Variants in ST6GALNAC3 observed in about 807,000 individuals in gnomAD.
ST6GALNAC3 encodes the protein ST6 N-acetylgalactosaminide alpha-2,6-sialyltransferase 3.
Under a neutral mutation model 32.7 loss-of-function variants are expected in ST6GALNAC3, and 25 were observed. The observed-to-expected ratio is 0.76, with a 90% CI of 0.56 to 1.07. ST6GALNAC3 has a LOEUF of 1.07. ST6GALNAC3 is among the 50% of genes least tolerant of loss of function. The probability of loss-of-function intolerance (pLI) is 0.00; values close to 1 mark genes in which losing one functional copy is unlikely to be tolerated. For synonymous variants in ST6GALNAC3, 129 were observed against 133.1 expected (o/e 0.97, Z 0.21); for missense variants, 355 against 382.4 (o/e 0.93, Z 0.60).
At chr1:76,220,417 T>A (rs913516574) in intron 1 of ST6GALNAC3, among the ~76,000 whole-genome samples, 1 of 152,230 alleles carries the variant, frequency 6.6e-6, no homozygotes, top group African/African-American at 2.4e-5. Flanking sequence ...GGTTCATTTT[T>A]AAAATATTTC....
intron 1 of ST6GALNAC3, among the ~76,000 whole-genome samples, chr1:76,163,974 C>T (rs1315839023): frequency 6.6e-6 from 1 of 152,140 alleles, no homozygotes. Context: ...TACTTTTACA[C>T]ATTGTTAAGT....
At position 76,268,017 on chromosome 1, in the gene ST6GALNAC3, G is replaced by A. The variant is rs181967181; in HGVS notation, c.19-45788G>A. ...TAATTGATTTGTCTGGAAAGAGTCCGTTCCCTATAGGACTCACAGATCTCC... is the reference window on the plus strand; with the variant it reads ...TAATTGATTTGTCTGGAAAGAGTCCATTCCCTATAGGACTCACAGATCTCC... On this transcript the variant is annotated intron_variant, in intron 1 of 4. Coordinates refer to ENST00000328299, the MANE Select transcript of ST6GALNAC3 (RefSeq NM_152996.4). Among the ~76,000 whole-genome samples, 120 of 152,290 alleles carry A rather than the reference G, an allele frequency of 7.9e-4. 1 individual carries two copies. Among genetic ancestry groups the A allele is most frequent in the African/African-American group, 2.7e-3 (111 of 41,576 alleles).
intron 3 of ST6GALNAC3, among the ~76,000 whole-genome samples, chr1:76,417,694 A>T (rs1039620586): frequency 6.6e-6 from 1 of 152,278 alleles, no homozygotes; most frequent in East Asian, 1.9e-4. Context: ...AAATATAGGC[A>T]CATTATTTAA....
chr1:76,388,243 T>C (rs1383872894), intron 2 of ST6GALNAC3, among the ~76,000 whole-genome samples: 1 of 152,200 alleles, frequency 6.6e-6, no homozygotes, highest in Non-Finnish European at 1.5e-5. Flanking sequence ...CAGCTATCCA[T>C]GTACAGTAGT....
chr1:76,089,682 G>A (rs1283482127), intron 1 of ST6GALNAC3, among the ~76,000 whole-genome samples: 4 of 152,196 alleles, frequency 2.6e-5, no homozygotes, highest in Non-Finnish European at 4.4e-5. Flanking sequence ...ACGATACATT[G>A]TGGATTTATG....
intron 2 of ST6GALNAC3, among the ~76,000 whole-genome samples, chr1:76,321,489 C>A (rs1646965728): frequency 6.6e-6 from 1 of 152,130 alleles, no homozygotes; most frequent in Non-Finnish European, 1.5e-5. Flanking sequence ...TTGTCCCTTG[C>A]AACCAAAAAA....
chr1:76,559,047 A>C (rs193289084), intron 3 of ST6GALNAC3, among the ~76,000 whole-genome samples: 2 of 152,282 alleles, frequency 1.3e-5, no homozygotes, highest in East Asian at 3.9e-4. Context: ...ATATATGAAA[A>C]ATATCTTATT....
At chr1:76,606,119 GA>G (rs1278087380) in intron 3 of ST6GALNAC3, among the ~76,000 whole-genome samples, 1 of 152,086 alleles carries the variant, frequency 6.6e-6, no homozygotes, top group Non-Finnish European at 1.5e-5. Flanking sequence ...CTCTTGTTGG[GA>G]ATGTAACTTA....
At chr1:76,503,008 A>T (rs750760025) in intron 3 of ST6GALNAC3, among the ~76,000 whole-genome samples, 151 of 152,344 alleles carry the variant, frequency 9.9e-4, no homozygotes, top group Non-Finnish European at 7.6e-4. Context: ...TTTAATTCGT[A>T]TCTCAGTGTA....
chr1:76,112,071 A>AC (rs538408473), intron 1 of ST6GALNAC3, among the ~76,000 whole-genome samples: 11,678 of 121,322 alleles, frequency 0.096, 829 homozygotes, highest in Non-Finnish European at 0.13. Context: ...CTGGGGGCTG[A>AC]CCCCCCCACC....
chr1:76,554,301 T>C (rs17099155), intron 3 of ST6GALNAC3, among the ~76,000 whole-genome samples: 2 of 152,046 alleles, frequency 1.3e-5, no homozygotes, highest in Admixed American at 1.3e-4. Flanking sequence ...GAATTTTAAG[T>C]CTCTCGGGTT....
chr1:76,279,208 A>C (rs1380387717), intron 1 of ST6GALNAC3, among the ~76,000 whole-genome samples: 4 of 152,188 alleles, frequency 2.6e-5, no homozygotes, highest in South Asian at 4.1e-4. Context: ...GTAGAGCAGC[A>C]GTCTGTGTGG....
At position 76,087,687 on chromosome 1, in the gene ST6GALNAC3, C is replaced by T. The variant is rs142800563; in HGVS notation, c.18+12803C>T. Among the ~76,000 whole-genome samples, 963 of 152,288 alleles carry T rather than the reference C, an allele frequency of 6.3e-3. 10 individuals are homozygous for T. Among genetic ancestry groups the T allele is most frequent in the Middle Eastern group, 0.027 (8 of 294 alleles). ...GGCTTGGAGAGGCTAAGTCACCTCT[C>T]AAAGGTCATACTACTAGTAGAAGAG... On this transcript the variant is annotated intron_variant, in intron 1 of 4. Transcript: ENST00000328299.
intron 1 of ST6GALNAC3, among the ~76,000 whole-genome samples, chr1:76,311,212 G>T (rs999337598): frequency 2.0e-5 from 3 of 151,904 alleles, no homozygotes; most frequent in African/African-American, 7.3e-5. Flanking sequence ...CTCTCTCCCT[G>T]CTCCAAAGCA....
chr1:76,532,141 T>A (rs1234928971), intron 3 of ST6GALNAC3, among the ~76,000 whole-genome samples: 1 of 152,190 alleles, frequency 6.6e-6, no homozygotes, highest in Non-Finnish European at 1.5e-5. Context: ...TTCTTGATTG[T>A]TGGTGCTCTG....
intron 1 of ST6GALNAC3, among the ~76,000 whole-genome samples, chr1:76,303,563 T>C (rs970957695): frequency 2.6e-5 from 4 of 152,056 alleles, no homozygotes; most frequent in Non-Finnish European, 4.4e-5. Flanking sequence ...GCCTGATACT[T>C]GCTGAGTACA....
At chr1:76,517,770 A>G (rs545953630) in intron 3 of ST6GALNAC3, among the ~76,000 whole-genome samples, 340 of 137,454 alleles carry the variant, frequency 2.5e-3, no homozygotes, top group Non-Finnish European at 4.7e-3. Context: ...CAGTGATTTT[A>G]ATTTTGAATT....
At chr1:76,560,391 C>T (rs183182000) in intron 3 of ST6GALNAC3, among the ~76,000 whole-genome samples, 5 of 152,022 alleles carry the variant, frequency 3.3e-5, no homozygotes, top group African/African-American at 7.2e-5. Flanking sequence ...TGAAGTGAAG[C>T]GACAACCCAC....
At chr1:76,351,337 A>G (rs1338907475) in intron 2 of ST6GALNAC3, among the ~76,000 whole-genome samples, 1 of 152,108 alleles carries the variant, frequency 6.6e-6, no homozygotes, top group Non-Finnish European at 1.5e-5. Context: ...CATTTATAAC[A>G]TTTTCAAACA....
Sources: allele counts gnomAD v4.1 joint callset (sites outside exome capture counted in the v4.1 genomes callset), GRCh38; gene constraint gnomAD v4.1.1; transcripts MANE v1.5; gene names NCBI Gene and HGNC (gene_info 2026-07-23, HGNC 2026-07-21).